Variants in ARHGEF7 observed in about 807,000 individuals in gnomAD.
ARHGEF7 encodes PAK-interacting exchange factor beta.
A neutral mutation model predicts 109.8 loss-of-function variants in ARHGEF7; 33 were observed. The ratio of observed to expected loss-of-function variants is 0.30; its 90% CI spans 0.23 to 0.40. ARHGEF7 has a LOEUF of 0.40. Ranked by LOEUF, ARHGEF7 falls within the 10% of genes least tolerant of loss-of-function variation. ARHGEF7 has a pLI of 1.00. For missense variants in ARHGEF7, 938 were observed against 1,098.5 expected, an observed-to-expected ratio of 0.85 and a Z score of 2.07; for synonymous variants, 458 against 424.6, an observed-to-expected ratio of 1.08 and a Z score of -0.97.
At chr13:111,167,759 C>G (rs2077245308) in intron 2 of ARHGEF7, among the ~76,000 whole-genome samples, 1 of 152,250 alleles carries the variant, frequency 6.6e-6, no homozygotes, top group Non-Finnish European at 1.5e-5. Context: ...AATGCTGAGG[C>G]ACACACGGAC....
At chr13:111,191,008 C>T (rs2079824419) in intron 2 of ARHGEF7, among the ~76,000 whole-genome samples, 1 of 152,036 alleles carries the variant, frequency 6.6e-6, no homozygotes, top group South Asian at 2.1e-4. Flanking sequence ...CTACTAGGAA[C>T]CATTCATTAG....
chr13:111,296,800 G>A (rs1255857712), intron 19 of ARHGEF7, among the ~76,000 whole-genome samples: 1 of 152,212 alleles, frequency 6.6e-6, no homozygotes, highest in African/African-American at 2.4e-5. Flanking sequence ...AGGGTGCGCT[G>A]TGATTCTCCG....
chr13:111,184,656 C>T (rs1314121024), intron 2 of ARHGEF7, among the ~76,000 whole-genome samples: 4 of 152,180 alleles, frequency 2.6e-5, no homozygotes, highest in Non-Finnish European at 5.9e-5. Flanking sequence ...GTGTCTTCTC[C>T]ATCTTTTTGG....
chr13:111,192,677 C>T (rs1324948516), intron 2 of ARHGEF7, among the ~76,000 whole-genome samples: 1 of 152,166 alleles, frequency 6.6e-6, no homozygotes, highest in Non-Finnish European at 1.5e-5. Flanking sequence ...ATTGTGGCCT[C>T]CAGGCGCAGT....
At chr13:111,153,613 G>C in intron 1 of ARHGEF7, 1 of 1,167,486 alleles carries the variant, frequency 8.6e-7, no homozygotes, top group East Asian at 5.3e-5. Context: ...AAGACGTCCC[G>C]CGCGGGCCGG....
chr13:111,247,145 G>T (rs2089001444), intron 8 of ARHGEF7, among the ~76,000 whole-genome samples: 1 of 152,028 alleles, frequency 6.6e-6, no homozygotes, highest in South Asian at 2.1e-4. Flanking sequence ...TTTTTATTAT[G>T]AATATTCTGA....
chr13:111,241,278 G>T (rs931642600), intron 6 of ARHGEF7: 15 of 1,536,038 alleles, frequency 9.8e-6, no homozygotes, highest in Non-Finnish European at 1.2e-5. Context: ...AGGCTGTGAG[G>T]TCTCATGGGG....
At chr13:111,203,582 C>T (rs902682657) in intron 2 of ARHGEF7, among the ~76,000 whole-genome samples, 8 of 152,154 alleles carry the variant, frequency 5.3e-5, no homozygotes, top group East Asian at 1.9e-4. Flanking sequence ...TTTCCTTTTA[C>T]GTTTTGTGGT....
intron 8 of ARHGEF7, among the ~76,000 whole-genome samples, chr13:111,248,748 A>C (rs2089312544): frequency 6.6e-6 from 1 of 152,220 alleles, no homozygotes; most frequent in Non-Finnish European, 1.5e-5. Context: ...CATTCACTAC[A>C]AGAATATTTT....
chr13:111,261,257 TG>T (rs1443592802), intron 8 of ARHGEF7, among the ~76,000 whole-genome samples: 1 of 151,738 alleles, frequency 6.6e-6, no homozygotes, highest in African/African-American at 2.4e-5. Context: ...ACCTATAGAC[TG>T]GAAATAAAGG....
At chr13:111,194,187 A>T (rs2099970452) in intron 2 of ARHGEF7, among the ~76,000 whole-genome samples, 1 of 152,204 alleles carries the variant, frequency 6.6e-6, no homozygotes, top group South Asian at 2.1e-4. Flanking sequence ...CACGAGTCTG[A>T]GTAAGGACTC....
intron 19 of ARHGEF7, 103 bp downstream of exon 19, chr13:111,292,397 C>T (rs1203474905): frequency 3.9e-6 from 6 of 1,542,898 alleles, no homozygotes; most frequent in South Asian, 2.5e-5. Context: ...TAGATGTTTT[C>T]TTGCTGTTCC....
At chr13:111,232,724 T>G (rs890822426) in intron 5 of ARHGEF7, among the ~76,000 whole-genome samples, 2 of 152,170 alleles carry the variant, frequency 1.3e-5, no homozygotes, top group Non-Finnish European at 2.9e-5. Context: ...CCTCCTTGTC[T>G]CCTGTGAGTG....
rs766705151 is a variant in ARHGEF7 at position 111,305,574 on chromosome 13, G to A, written c.*2461G>A. 2.0e-5 allele frequency: 3 copies of A among 152,214 alleles called. No individual in the cohort carries two copies. The highest frequency in any genetic ancestry group is 2.9e-5 in the Non-Finnish European group (2 of 68,052). The allele number at this position is 152,214 out of a possible 1,614,324, so 9.4% of individuals were successfully genotyped here. ...GCCCTGGTTGTGTGGACTCCTTAAT[G>A]CCAATCATTTCTTCACTTCTCTGGG... On this transcript the variant is annotated 3_prime_UTR_variant, in exon 22 of 22. Transcript: ENST00000646102.
At chr13:111,243,588 T>G (rs2088222723) in intron 6 of ARHGEF7, among the ~76,000 whole-genome samples, 2 of 152,250 alleles carry the variant, frequency 1.3e-5, no homozygotes, top group Non-Finnish European at 2.9e-5. Flanking sequence ...CTTCTCCTTT[T>G]TATCTAAACA....
At chr13:111,120,002 G>A (rs1200959843) in intron 1 of ARHGEF7, among the ~76,000 whole-genome samples, 1 of 152,214 alleles carries the variant, frequency 6.6e-6, no homozygotes, top group South Asian at 2.1e-4. Flanking sequence ...TCCAGACTGT[G>A]TTTTTAAGGA....
At chr13:111,290,980 C>T (rs769692387) in intron 18 of ARHGEF7, among the ~76,000 whole-genome samples, 3 of 152,192 alleles carry the variant, frequency 2.0e-5, no homozygotes, top group Non-Finnish European at 4.4e-5. Context: ...ACCTAAAATG[C>T]AGCTCTGTTC....
chr13:111,283,330 C>T lies in ARHGEF7; in HGVS notation c.1917C>T (p.Pro639=). 2.6e-6 allele frequency: 4 copies of T among 1,555,184 alleles called. No homozygotes were observed. Among genetic ancestry groups the T allele is most frequent in the Admixed American group, 3.8e-5 (2 of 52,990 alleles). The change falls in exon 16 of 22, where the codon CCC becomes CCT. Residue 639 remains proline, a synonymous_variant. Coordinates refer to ENST00000646102, the MANE Select transcript of ARHGEF7 (RefSeq NM_001354046.2). ...WSLSCLRPAP[P]LRPSAALCYK... ...TGAGCTGCCTGCGGCCCGCGCCTCC[C>T]CTCCGGCCCTCAGCTGCTCTCTGCT...
chr13:111,115,911 AG>A (rs2066721746), intron 1 of ARHGEF7, among the ~76,000 whole-genome samples: 1 of 101,816 alleles, frequency 9.8e-6, no homozygotes, highest in Non-Finnish European at 2.1e-5. Context: ...GGTCGGGGGG[AG>A]GGGCGGCGCG....
Sources: gnomAD v4.1 joint callset for allele counts (sites outside exome capture counted in the v4.1 genomes callset) on GRCh38, gnomAD v4.1.1 for gene constraint, MANE v1.5 for transcripts, NCBI Gene and HGNC (gene_info 2026-07-23, HGNC 2026-07-21) for gene names.